The following FLCN variants were observed in gnomAD, a reference collection of about 807,000 sequenced individuals.
The protein encoded by FLCN is folliculin.
Under a neutral mutation model 62.5 loss-of-function variants are expected in FLCN, and 22 were observed. That is an observed-to-expected ratio of 0.35 (90% CI 0.25 to 0.50). FLCN has a LOEUF of 0.50. FLCN is among the 20% of genes least tolerant of loss of function. The pLI is 0.97. For missense variants in FLCN, 657 were observed against 778.0 expected (o/e 0.84, Z 1.85); for synonymous variants, 319 against 310.0 (o/e 1.03, Z -0.30).
At chr17:17,234,620 G>T (rs2047527494) in intron 1 of FLCN, among the ~76,000 whole-genome samples, 1 of 151,338 alleles carries the variant, frequency 6.6e-6, no homozygotes, top group Admixed American at 6.6e-5. Flanking sequence ...AAGGAGGGCA[G>T]ATCACCTAAG....
intron 6 of FLCN, 65 bp downstream of exon 6, chr17:17,223,857 C>G (rs1183753099): frequency 1.9e-6 from 3 of 1,559,716 alleles, no homozygotes; most frequent in East Asian, 2.2e-5. Context: ...GCCTCAACCT[C>G]AGCACAGAGC....
rs771777546 is a variant in FLCN at position 17,226,348 on chromosome 17, C to T, written c.250-26G>A. ...CTGTCCATGAAAAGGAAAAGTAAAT[C>T]TGTTAGTTGGGAAGCAGGGCGACAA... On this transcript the variant is annotated intron_variant, in intron 4 of 13. Coordinates refer to ENST00000285071, the MANE Select transcript of FLCN (RefSeq NM_144997.7). The T allele has an allele frequency of 1.1e-5, 17 of 1,613,950 alleles. No homozygotes were observed. In the South Asian group the frequency reaches 1.8e-4, roughly 17 times the overall value.
At chr17:17,234,282 G>C (rs1459482943) in intron 1 of FLCN, among the ~76,000 whole-genome samples, 1 of 150,564 alleles carries the variant, frequency 6.6e-6, no homozygotes, top group Non-Finnish European at 1.5e-5. Context: ...AGCAATCTCG[G>C]ATCACTGCCA....
intron 9 of FLCN, among the ~76,000 whole-genome samples, chr17:17,218,518 G>T (rs568167082): frequency 6.9e-4 from 105 of 151,784 alleles, no homozygotes; most frequent in African/African-American, 2.4e-3. Flanking sequence ...CCAAGTAGCT[G>T]GGACTACAGG....
intron 9 of FLCN, chr17:17,217,794 T>C (rs2046970173): frequency 5.8e-6 from 1 of 171,342 alleles, no homozygotes; most frequent in African/African-American, 2.4e-5. Context: ...ATTGACACCT[T>C]AGGAGAGTCC....
At chr17:17,230,178 C>T (rs974761116) in intron 3 of FLCN, among the ~76,000 whole-genome samples, 7 of 152,270 alleles carry the variant, frequency 4.6e-5, no homozygotes, top group South Asian at 4.1e-4. Flanking sequence ...ATTGTCCATA[C>T]GGTGGCCACA....
chr17:17,232,328 C>A (rs1006469040), intron 2 of FLCN, among the ~76,000 whole-genome samples: 1 of 152,220 alleles, frequency 6.6e-6, no homozygotes, highest in African/African-American at 2.4e-5. Context: ...CGCAGAACTG[C>A]GCCTCCAAAG....
At chr17:17,214,934 G>T in intron 13 of FLCN, 51 bp downstream of exon 13, 1 of 1,583,248 alleles carries the variant, frequency 6.3e-7, no homozygotes, top group Non-Finnish European at 8.7e-7. Context: ...AACAGCTCCA[G>T]GTTTTCTCCA....
rs7218795 is a variant in FLCN at position 17,212,252 on chromosome 17, A to G, written c.*1403T>C. The G allele has an allele frequency of 0.72, 122,042 of 170,342 alleles. 44,076 individuals carry two copies. The highest frequency in any genetic ancestry group is 0.74 in the Non-Finnish European group (57,717 of 78,340). The allele number at this position is 170,342 out of a possible 1,614,324, so 10.6% of individuals were successfully genotyped here. A position where few individuals can be genotyped will look rare whatever the true frequency, so the allele number is the denominator to read the frequency against. ...CTTTATTGTGTTCCAATGTTGTTGC[A>G]TTATACAGATACCTAGTTATATAAA... On this transcript the variant is annotated 3_prime_UTR_variant, in exon 14 of 14. Transcript: ENST00000285071.
At chr17:17,219,650 A>G in intron 8 of FLCN, 1 of 157,754 alleles carries the variant, frequency 6.3e-6, no homozygotes, top group Non-Finnish European at 1.3e-5. Flanking sequence ...GCTCACTGCA[A>G]CCTCCGCCTC....
intron 3 of FLCN, 83 bp from the exon 4 acceptor site, chr17:17,228,244 C>A: frequency 2.0e-6 from 3 of 1,479,370 alleles, no homozygotes; most frequent in Non-Finnish European, 2.7e-6. Flanking sequence ...GCACAGGGAG[C>A]ACCTGGGTGC....
At chr17:17,228,422 A>G (rs1257934848) in intron 3 of FLCN, 3 of 461,776 alleles carry the variant, frequency 6.5e-6, no homozygotes, top group Non-Finnish European at 1.2e-5. Flanking sequence ...GCTGTGACAG[A>G]GCCACAGCCA....
intron 9 of FLCN, chr17:17,217,460 C>T (rs1035702431): frequency 4.0e-6 from 2 of 503,104 alleles, no homozygotes; most frequent in African/African-American, 3.9e-5. Flanking sequence ...AAGATGTTAA[C>T]TTTGTGCAAT....
Position 17,213,559 on chromosome 17 carries a change from T to G in FLCN, c.*96A>C. On this transcript the variant is annotated 3_prime_UTR_variant, in exon 14 of 14. Coordinates refer to ENST00000285071, the MANE Select transcript of FLCN (RefSeq NM_144997.7). ...CCTTCCTTGCTGGGACACAGCTCCT[T>G]CCAGCAGTTGAGAAACTCAAGGGAC... The G allele has an allele frequency of 6.5e-7, 1 of 1,531,620 alleles. No individual in the cohort carries two copies. Among genetic ancestry groups the G allele is most frequent in the Non-Finnish European group, 9.0e-7 (1 of 1,109,376 alleles). The allele number at this position is 1,531,620 out of a possible 1,614,324, so 94.9% of individuals were successfully genotyped here.
At position 17,221,604 on chromosome 17, in the gene FLCN, C is replaced by A. The variant is rs771424902; in HGVS notation, c.804G>T (p.Arg268=). ...FAWLLKACGS[R]LTEKLLEGAP... ...CACCTTCCAGGAGCTTCTCGGTCAG[C>A]CGGCTGCCACACGCCTTCAGGAGCC... is the stretch of plus-strand genomic sequence containing the variant. The change falls in exon 8 of 14, where the codon CGG becomes CGT. Residue 268 remains arginine, a synonymous_variant. Transcript: ENST00000285071. 11 of 1,609,368 alleles carry A rather than the reference C, an allele frequency of 6.8e-6. No individual in the cohort carries two copies. Among genetic ancestry groups the A allele is most frequent in the Non-Finnish European group, 9.3e-6 (11 of 1,179,954 alleles).
intron 3 of FLCN, among the ~76,000 whole-genome samples, chr17:17,230,564 TA>T (rs2047390938): frequency 6.7e-6 from 1 of 149,746 alleles, no homozygotes; most frequent in Admixed American, 6.6e-5. Flanking sequence ...CAAAACAAAA[TA>T]AAACAAAAAC....
Position 17,226,610 on chromosome 17 carries a change from C to T in FLCN, c.250-288G>A, listed in dbSNP as rs1708620. On this transcript the variant is annotated intron_variant, in intron 4 of 13. Coordinates refer to ENST00000285071, the MANE Select transcript of FLCN (RefSeq NM_144997.7). ...GCTCCATCTCATTCAATCCCAAGTG[C>T]CACCCTCTGAGATAATGTCAGTGAG... 0.48 allele frequency among the ~76,000 whole-genome samples: 72,682 copies of T among 151,934 alleles called. 18,119 individuals are homozygous for T. Among genetic ancestry groups the T allele is most frequent in the East Asian group, 0.62 (3,214 of 5,148 alleles).
At chr17:17,214,399 G>T (rs990904407) in intron 13 of FLCN, among the ~76,000 whole-genome samples, 6 of 151,628 alleles carry the variant, frequency 4.0e-5, no homozygotes, top group East Asian at 1.9e-4. Context: ...TTCAAGACCA[G>T]CCTGGCCAAC....
intron 1 of FLCN, chr17:17,235,370 G>C (rs2047553691): frequency 6.6e-6 from 1 of 151,654 alleles, no homozygotes; most frequent in East Asian, 2.0e-4. Context: ...AGAATCGTTT[G>C]AGCCTGGAAG....
Sources: allele counts gnomAD v4.1 joint callset (sites outside exome capture counted in the v4.1 genomes callset), GRCh38; gene constraint gnomAD v4.1.1; transcripts MANE v1.5; gene names NCBI Gene and HGNC (gene_info 2026-07-23, HGNC 2026-07-21).